PALM: variants seen among roughly 807,000 people sequenced by gnomAD.
The protein encoded by PALM is paralemmin-1.
Under a neutral mutation model 30.7 loss-of-function variants are expected in PALM, and 18 were observed. The ratio of observed to expected loss-of-function variants is 0.59; its 90% CI spans 0.41 to 0.87. PALM has a LOEUF of 0.87. PALM is among the 40% of genes least tolerant of loss of function. The probability of loss-of-function intolerance (pLI) is 0.00; values close to 1 mark genes in which losing one functional copy is unlikely to be tolerated. For synonymous variants in PALM, 286 were observed against 242.8 expected, an observed-to-expected ratio of 1.18 and a Z score of -1.66; for missense variants, 529 against 555.4, an observed-to-expected ratio of 0.95 and a Z score of 0.48.
In PALM at chr19:736,053, T is replaced by C. The variant is rs763500375; in HGVS notation, c.477T>C (p.Val159=). The change falls in exon 7 of 9, where the codon GTT becomes GTC. Residue 159 remains valine (V), a synonymous_variant. Coordinates refer to ENST00000338448, the MANE Select transcript of PALM (RefSeq NM_002579.3). ...TCTCCAACACGCCCCTGAGGACGGT[T>C]GACGGCTCCCCCATGATGAAGGCAG... The part of the protein sequence containing the change: ...KRVSNTPLRT[V]DGSPMMKAAM... The C allele has an allele frequency of 6.2e-7, 1 of 1,610,166 alleles. No individual in the cohort carries two copies. The highest frequency in any genetic ancestry group is 8.5e-7 in the Non-Finnish European group (1 of 1,178,210).
At chr19:738,755 C>A (rs539644330) in intron 7 of PALM, among the ~76,000 whole-genome samples, 2 of 152,114 alleles carry the variant, frequency 1.3e-5, no homozygotes, top group Admixed American at 6.5e-5. Context: ...GGGCCGCAGC[C>A]GGGCCTAAGC....
chr19:741,664 C>G (rs1021079872), intron 8 of PALM, among the ~76,000 whole-genome samples: 7 of 151,968 alleles, frequency 4.6e-5, no homozygotes, highest in South Asian at 2.1e-4. Context: ...CAGGCGGGGC[C>G]GTGTCCTGAG....
chr19:714,953 A>G (rs1053807448), intron 1 of PALM, among the ~76,000 whole-genome samples: 3 of 152,158 alleles, frequency 2.0e-5, no homozygotes, highest in African/African-American at 4.8e-5. Context: ...CACTGCACCC[A>G]GCCTGATGTT....
intron 4 of PALM, among the ~76,000 whole-genome samples, chr19:729,272 G>A (rs1451871348): frequency 1.3e-5 from 2 of 151,490 alleles, no homozygotes; most frequent in East Asian, 2.0e-4. Flanking sequence ...GTTTCAGTGA[G>A]CCGAGATCAA....
intron 1 of PALM, among the ~76,000 whole-genome samples, chr19:712,790 C>G (rs1399254163): frequency 6.6e-6 from 1 of 152,114 alleles, no homozygotes; most frequent in Non-Finnish European, 1.5e-5. Context: ...ATTCTCCTGC[C>G]TCAGCCTCCC....
At chr19:739,962 T>C (rs985552173) in intron 7 of PALM, among the ~76,000 whole-genome samples, 4 of 151,908 alleles carry the variant, frequency 2.6e-5, no homozygotes, top group Non-Finnish European at 4.4e-5. Flanking sequence ...GGCGGCTCCA[T>C]CTCAAAAAAA....
chr19:716,366 C>A (rs1019812117), intron 1 of PALM, among the ~76,000 whole-genome samples: 2 of 151,482 alleles, frequency 1.3e-5, no homozygotes, highest in African/African-American at 4.9e-5. Context: ...GCCGAGATTG[C>A]GCCACTGCCC....
chr19:741,667 G>T (rs1003761919), intron 8 of PALM, among the ~76,000 whole-genome samples: 3 of 151,978 alleles, frequency 2.0e-5, no homozygotes, highest in Admixed American at 6.6e-5. Context: ...GCGGGGCCGT[G>T]TCCTGAGGGC....
intron 1 of PALM, chr19:722,427 C>T (rs1347949905): frequency 1.3e-5 from 2 of 152,124 alleles, no homozygotes; most frequent in Non-Finnish European, 2.9e-5. Context: ...CAGGCTCTTG[C>T]TATGTTGCCC....
At chr19:733,559 G>A (rs962642410) in intron 5 of PALM, among the ~76,000 whole-genome samples, 2 of 152,228 alleles carry the variant, frequency 1.3e-5, no homozygotes, top group African/African-American at 4.8e-5. Context: ...CTCGCACAGT[G>A]GCTCCCAGGA....
intron 8 of PALM, among the ~76,000 whole-genome samples, chr19:744,414 A>G (rs1026160982): frequency 2.6e-5 from 4 of 151,298 alleles, no homozygotes; most frequent in Non-Finnish European, 4.4e-5. Flanking sequence ...AAAAAAAAAA[A>G]TAGAAAGTGA....
intron 8 of PALM, among the ~76,000 whole-genome samples, chr19:741,697 G>C (rs183075532): frequency 6.6e-6 from 1 of 152,008 alleles, no homozygotes; most frequent in Admixed American, 6.6e-5. Flanking sequence ...CCTTGGGTGC[G>C]TTGGGTCCTG....
In PALM at chr19:746,967, GAGGGAC is replaced by G; in HGVS notation, c.*158_*163del. The G allele has an allele frequency of 1.6e-6, 1 of 619,378 alleles. No individual in the cohort carries two copies. 38.4% of individuals were successfully genotyped at this position (619,378 alleles called of 1,614,324 possible). A position where few individuals can be genotyped will look rare whatever the true frequency, so the allele number is the denominator to read the frequency against. On this transcript the variant is annotated 3_prime_UTR_variant, in exon 9 of 9. Coordinates refer to ENST00000338448, the MANE Select transcript of PALM (RefSeq NM_002579.3). This position sits in a 1 kb window ranked among gnomAD's most constrained non-coding sequence, Gnocchi z 7.1. ...CTTCCGAGTTTTCTTTCGCTGGAAAGAGGGACAGGGGCCCCCACCCGTCACCACGCC... is the reference window on the plus strand; with the variant it reads ...CTTCCGAGTTTTCTTTCGCTGGAAAGAGGGGCCCCCACCCGTCACCACGCC...
chr19:711,237 T>TCCGAA, intron 1 of PALM: 2 of 951,388 alleles, frequency 2.1e-6, no homozygotes, highest in Non-Finnish European at 1.3e-6. Context: ...GGAGAATCTC[T>TCCGAA]GCTTCGGAGA....
At chr19:717,606 T>A (rs961327274) in intron 1 of PALM, among the ~76,000 whole-genome samples, 1 of 152,120 alleles carries the variant, frequency 6.6e-6, no homozygotes, top group East Asian at 1.9e-4. Context: ...CCCGAGATGG[T>A]TGGAGCTTGT....
At chr19:719,974 C>T (rs921862466) in intron 1 of PALM, among the ~76,000 whole-genome samples, 6 of 152,160 alleles carry the variant, frequency 3.9e-5, no homozygotes, top group Non-Finnish European at 1.5e-5. Context: ...GTCGGCCTGA[C>T]CTTGGCTACC....
chr19:721,126 G>A (rs749448864), intron 1 of PALM, among the ~76,000 whole-genome samples: 9 of 152,212 alleles, frequency 5.9e-5, no homozygotes, highest in Admixed American at 2.0e-4. Flanking sequence ...GGGGTAGGAG[G>A]CTTGGTGCAT....
intron 1 of PALM, among the ~76,000 whole-genome samples, chr19:721,335 G>A (rs1195136098): frequency 6.6e-6 from 1 of 152,014 alleles, no homozygotes; most frequent in African/African-American, 2.4e-5. Flanking sequence ...GCACGATCTC[G>A]GCTCACTGCA....
intron 1 of PALM, chr19:722,871 GCTGGTGTTCCCGGGCCC>G (rs1351487909): frequency 1.3e-5 from 2 of 152,356 alleles, no homozygotes; most frequent in Non-Finnish European, 2.9e-5. Context: ...AGAGGGCGCA[GCTGGTGTTCCCGGGCCC>G]CTGGGAGGCA....
Sources: gnomAD v4.1 joint callset for allele counts (sites outside exome capture counted in the v4.1 genomes callset) on GRCh38, gnomAD v4.1.1 for gene constraint, Gnocchi (gnomAD v3.1) non-coding constraint, MANE v1.5 for transcripts, NCBI Gene and HGNC (gene_info 2026-07-23, HGNC 2026-07-21) for gene names.